MOB4: variants seen among roughly 807,000 people sequenced by gnomAD.
MOB4 encodes the protein MOB-like protein phocein.
MOB4 carries 4 observed loss-of-function variants against 32.2 expected under a neutral mutation model. The ratio of observed to expected loss-of-function variants is 0.12; its 90% confidence interval spans 0.06 to 0.28. MOB4 has a LOEUF of 0.28. Ranked by LOEUF, MOB4 falls within the 10% of genes least tolerant of loss-of-function variation. The pLI is 1.00. For synonymous variants in MOB4, 88 were observed against 88.1 expected (o/e 1.00, Z 0.01); for missense variants, 158 against 271.2 (o/e 0.58, Z 2.93).
At chr2:197,516,214 G>T (rs2086408623) in intron 1 of MOB4, 68 bp downstream of exon 1, 1 of 1,542,162 alleles carries the variant, frequency 6.5e-7, no homozygotes, top group Admixed American at 2.0e-5. Flanking sequence ...GAAGCTGGCC[G>T]CCACTGCGGG....
At position 197,552,371 on chromosome 2, in the gene MOB4, A is replaced by G. The variant is rs577329606; in HGVS notation, c.*1725A>G. On this transcript the variant is annotated 3_prime_UTR_variant, in exon 8 of 8. Coordinates refer to ENST00000323303, the MANE Select transcript of MOB4 (RefSeq NM_015387.5). ...ACTACTAAGTTAATAAATTATATAT[A>G]GCAGTGTAGCTGTTCTCTCTAGATG... is the stretch of plus-strand genomic sequence containing the variant. 1 of 152,468 alleles carries G rather than the reference A, an allele frequency of 6.6e-6. No homozygotes were observed. The highest frequency in any genetic ancestry group is 2.1e-4 in the South Asian group (1 of 4,832). 9.4% of individuals were successfully genotyped at this position (152,468 alleles called of 1,614,324 possible).
At chr2:197,519,755 A>G (rs1050956756) in intron 1 of MOB4, among the ~76,000 whole-genome samples, 2 of 152,200 alleles carry the variant, frequency 1.3e-5, no homozygotes, top group Non-Finnish European at 2.9e-5. Flanking sequence ...CCAACTGTAC[A>G]TGTGTTTTCT....
At chr2:197,524,296 G>T (rs2086570267) in intron 2 of MOB4, among the ~76,000 whole-genome samples, 1 of 152,116 alleles carries the variant, frequency 6.6e-6, no homozygotes, top group African/African-American at 2.4e-5. Context: ...ATTTTGGGAA[G>T]CCGAGGCAGG....
chr2:197,526,770 T>C (rs1270896424), intron 2 of MOB4, among the ~76,000 whole-genome samples: 1 of 152,230 alleles, frequency 6.6e-6, no homozygotes, highest in Non-Finnish European at 1.5e-5. Context: ...CTTTCTTTAT[T>C]GAATGGTCTC....
At position 197,550,716 on chromosome 2, in the gene MOB4, A is replaced by G. The variant is rs975457026; in HGVS notation, c.*70A>G. 2.1e-6 allele frequency: 3 copies of G among 1,458,564 alleles called. No individual in the cohort carries two copies. The African/African-American group carries it at 4.3e-5, about 21-fold the overall frequency. 90.4% of individuals were successfully genotyped at this position (1,458,564 alleles called of 1,614,324 possible). A position where few individuals can be genotyped will look rare whatever the true frequency, so the allele number is the denominator to read the frequency against. On this transcript the variant is annotated 3_prime_UTR_variant, in exon 8 of 8. Coordinates refer to ENST00000323303, the MANE Select transcript of MOB4 (RefSeq NM_015387.5). ...GTACTGTATATATCATTTTAGACAC[A>G]TCAATCATGTATCCATATTATAGCT...
At chr2:197,543,464 C>T (rs1013987842) in intron 5 of MOB4, among the ~76,000 whole-genome samples, 4 of 151,498 alleles carry the variant, frequency 2.6e-5, no homozygotes, top group African/African-American at 9.7e-5. Context: ...AAAAAACCAC[C>T]GTGAGAATGG....
intron 2 of MOB4, among the ~76,000 whole-genome samples, chr2:197,523,986 G>A (rs2086565539): frequency 6.6e-6 from 1 of 152,134 alleles, no homozygotes; most frequent in South Asian, 2.1e-4. Flanking sequence ...ATTAAGCTGG[G>A]CACTGTGGCT....
chr2:197,524,977 G>C (rs1462581249), intron 2 of MOB4, among the ~76,000 whole-genome samples: 1 of 152,160 alleles, frequency 6.6e-6, no homozygotes, highest in Non-Finnish European at 1.5e-5. Flanking sequence ...TGCCCTGGCT[G>C]ATGATAACAT....
chr2:197,546,923 T>G (rs977066735), intron 5 of MOB4, among the ~76,000 whole-genome samples: 4 of 152,066 alleles, frequency 2.6e-5, no homozygotes, highest in African/African-American at 9.7e-5. Flanking sequence ...TGTATTGCAA[T>G]GAAGGAAGCT....
intron 1 of MOB4, chr2:197,516,487 C>T (rs2086414421): frequency 2.1e-6 from 2 of 936,220 alleles, no homozygotes; most frequent in African/African-American, 1.7e-5. Flanking sequence ...TGGAGGGGCG[C>T]GACCAGCCTG....
At chr2:197,540,195 ATTT>A in intron 4 of MOB4, 42 bp downstream of exon 4, 1 of 1,580,730 alleles carries the variant, frequency 6.3e-7, no homozygotes, top group Non-Finnish European at 8.6e-7. Context: ...GAAAGTTCTG[ATTT>A]TTTTTTCTCT....
At chr2:197,519,527 GT>G (rs2086477152) in intron 1 of MOB4, among the ~76,000 whole-genome samples, 1 of 152,152 alleles carries the variant, frequency 6.6e-6, no homozygotes, top group African/African-American at 2.4e-5. Flanking sequence ...AATGCAATGC[GT>G]GTTCTGTAAA....
Position 197,551,829 on chromosome 2 carries a change from T to A in MOB4, c.*1183T>A, listed in dbSNP as rs2106143263. ...AATGATTGAAATGCAGATTTAACAA[T>A]CTTATAATCTATTGAATGCCATTTT... is the stretch of plus-strand genomic sequence containing the variant. On this transcript the variant is annotated 3_prime_UTR_variant, in exon 8 of 8. Transcript: ENST00000323303. 6.6e-6 allele frequency: 1 copy of A among 152,430 alleles called. No homozygotes were observed. Among genetic ancestry groups the A allele is most frequent in the South Asian group, 2.1e-4 (1 of 4,830 alleles). The allele number at this position is 152,430 out of a possible 1,614,324, so 9.4% of individuals were successfully genotyped here. A position where few individuals can be genotyped will look rare whatever the true frequency, so the allele number is the denominator to read the frequency against.
chr2:197,534,934 C>CCTA (rs1245809493), intron 2 of MOB4, among the ~76,000 whole-genome samples: 1 of 152,004 alleles, frequency 6.6e-6, no homozygotes, highest in African/African-American at 2.4e-5. Context: ...GCCCTCAAGC[C>CCTA]CTACACCAGT....
intron 1 of MOB4, among the ~76,000 whole-genome samples, chr2:197,518,625 C>T (rs1321125062): frequency 1.3e-5 from 2 of 151,660 alleles, no homozygotes; most frequent in African/African-American, 2.4e-5. Flanking sequence ...TGCAGTGGCA[C>T]GATCGCAGCT....
intron 5 of MOB4, among the ~76,000 whole-genome samples, chr2:197,543,384 C>T (rs1051170240): frequency 1.3e-5 from 2 of 151,216 alleles, no homozygotes; most frequent in African/African-American, 2.4e-5. Context: ...ACAGTTGGTG[C>T]GAGGGTTGTG....
At chr2:197,547,581 C>T (rs1308465325) in intron 5 of MOB4, among the ~76,000 whole-genome samples, 1 of 152,044 alleles carries the variant, frequency 6.6e-6, no homozygotes, top group Non-Finnish European at 1.5e-5. Flanking sequence ...GTTACTAAAC[C>T]GTATTTCTAA....
chr2:197,524,567 A>G (rs554145042), intron 2 of MOB4, among the ~76,000 whole-genome samples: 3 of 151,826 alleles, frequency 2.0e-5, no homozygotes, highest in Non-Finnish European at 2.9e-5. Flanking sequence ...AAACAAAAAT[A>G]CAATTTCATT....
At chr2:197,529,102 C>T (rs906872158) in intron 2 of MOB4, among the ~76,000 whole-genome samples, 7 of 151,718 alleles carry the variant, frequency 4.6e-5, no homozygotes, top group South Asian at 2.1e-4. Flanking sequence ...CTCAGCCTCT[C>T]GAGTAGCTGG....
Sources: gnomAD v4.1 joint callset for allele counts (sites outside exome capture counted in the v4.1 genomes callset) on GRCh38, gnomAD v4.1.1 for gene constraint, MANE v1.5 for transcripts, NCBI Gene and HGNC (gene_info 2026-07-23, HGNC 2026-07-21) for gene names.